Variants in MPP2 observed in about 807,000 individuals in gnomAD.
MPP2 encodes the protein MAGUK p55 scaffold protein 2.
In MPP2, 42 loss-of-function variants were observed where a neutral mutation model predicts 58.5. That is an observed-to-expected ratio of 0.72 (90% CI 0.56 to 0.93). The LOEUF (loss-of-function observed/expected upper bound fraction) is 0.93. MPP2 is among the 40% of genes least tolerant of loss of function. MPP2 has a pLI of 0.00. For missense variants in MPP2, 632 were observed against 760.4 expected (o/e 0.83, Z 1.99); for synonymous variants, 300 against 307.8 (o/e 0.97, Z 0.26).
chr17:43,906,126 GA>G (rs1219863183), intron 1 of MPP2: 2 of 984,912 alleles, frequency 2.0e-6, no homozygotes, highest in Non-Finnish European at 2.4e-6. Flanking sequence ...CAGGGTCAGA[GA>G]AGGGACTCCA....
chr17:43,880,027 G>C lies in MPP2; in HGVS notation c.1151-43C>G. 1.3e-6 allele frequency: 2 copies of C among 1,595,052 alleles called. No homozygotes were observed. The highest frequency in any genetic ancestry group is 1.7e-6 in the Non-Finnish European group (2 of 1,163,620). ...GGTTGGACCAAATGGGCAGGGGCAGGTTACAGTGCCTCAGACACATATATG... is the reference window on the plus strand; with the variant it reads ...GGTTGGACCAAATGGGCAGGGGCAGCTTACAGTGCCTCAGACACATATATG... On this transcript the variant is annotated intron_variant, in intron 10 of 12. Transcript: ENST00000269095. The surrounding 1 kb of genome is among the most constrained non-coding windows in gnomAD (Gnocchi z 5.2).
chr17:43,892,987 GAT>G (rs1307027096), intron 3 of MPP2, among the ~76,000 whole-genome samples: 1 of 106 alleles, frequency 9.4e-3, no homozygotes, highest in African/African-American at 0.045. Flanking sequence ...GTATTTGATG[GAT>G]GGATGGATGG....
intron 2 of MPP2, among the ~76,000 whole-genome samples, chr17:43,902,972 T>G (rs1295685008): frequency 6.6e-6 from 1 of 152,220 alleles, no homozygotes; most frequent in Non-Finnish European, 1.5e-5. Flanking sequence ...CACCAGATTC[T>G]AAGTGACTCA....
At chr17:43,899,484 C>T (rs549140246) in intron 2 of MPP2, among the ~76,000 whole-genome samples, 65 of 152,314 alleles carry the variant, frequency 4.3e-4, no homozygotes, top group African/African-American at 1.5e-3. Context: ...AAGTCACTGT[C>T]CCTCACTGGC....
intron 6 of MPP2, among the ~76,000 whole-genome samples, chr17:43,881,999 G>T (rs548720336): frequency 1.3e-5 from 2 of 152,324 alleles, no homozygotes; most frequent in Admixed American, 1.3e-4. Flanking sequence ...CCCTGCGCAC[G>T]CGCACAAACG....
intron 2 of MPP2, 90 bp from the exon 3 acceptor site, chr17:43,898,470 C>G (rs954146250): frequency 3.8e-6 from 2 of 520,506 alleles, no homozygotes; most frequent in Non-Finnish European, 6.1e-6. Flanking sequence ...TTCCCCACCC[C>G]CATGTCCCAC....
At chr17:43,882,117 G>A (rs970082516) in intron 6 of MPP2, among the ~76,000 whole-genome samples, 167 bp downstream of exon 6, 1 of 152,220 alleles carries the variant, frequency 6.6e-6, no homozygotes, top group Non-Finnish European at 1.5e-5. Context: ...GTGCAGCAGC[G>A]GCAGAGGCCT....
chr17:43,909,007 C>T (rs932351614), upstream of MPP2, among the ~76,000 whole-genome samples: 1 of 152,194 alleles, frequency 6.6e-6, no homozygotes, highest in African/African-American at 2.4e-5. Context: ...TCTTGGAGCG[C>T]ATTGCTTGCA....
chr17:43,901,466 C>A lies in MPP2; in HGVS notation c.31+2964G>T, dbSNP rs1225479107. The A allele has an allele frequency of 5.1e-6, 5 of 985,382 alleles. No individual in the cohort carries two copies. In the East Asian group the frequency reaches 3.4e-4, roughly 67 times the overall value. The allele number at this position is 985,382 out of a possible 1,614,324, so 61.0% of individuals were successfully genotyped here. On this transcript the variant is annotated intron_variant, in intron 2 of 12. Transcript: ENST00000269095. ...CAGAAGGGAAGGACTCAGCTCCGCT[C>A]CGGTGACCCCATTCCTCTGAGATCT...
At position 43,879,268 on chromosome 17, in the gene MPP2, C is replaced by T. The variant is rs1438945476; in HGVS notation, c.1482+7G>A. ...CAGACCCCTCCCCCACACCTCAGAG[C>T]CCTCACCGTGAGCTGCTTGGTGGAT... On this transcript the variant is annotated splice_region_variant and intron_variant, in intron 12 of 12. Transcript: ENST00000269095. This position sits in a 1 kb window ranked among gnomAD's most constrained non-coding sequence, Gnocchi z 4.1. 6.2e-7 allele frequency: 1 copy of T among 1,607,086 alleles called. No individual in the cohort carries two copies. The highest frequency in any genetic ancestry group is 8.5e-7 in the Non-Finnish European group (1 of 1,174,386).
chr17:43,907,428 G>A, intron 1 of MPP2, 46 bp downstream of exon 1: 2 of 985,632 alleles, frequency 2.0e-6, no homozygotes, highest in Non-Finnish European at 2.4e-6. Context: ...AAAAGAAGGC[G>A]GAGGTCTTGG....
intron 2 of MPP2, among the ~76,000 whole-genome samples, chr17:43,902,192 C>T (rs1253595181): frequency 2.6e-5 from 4 of 152,128 alleles, no homozygotes; most frequent in South Asian, 2.1e-4. Flanking sequence ...AGCAGCCCCT[C>T]GAACAACATG....
chr17:43,883,255 T>C lies in MPP2; in HGVS notation c.251A>G (p.Gln84Arg). The C allele has an allele frequency of 6.2e-7, 1 of 1,611,408 alleles. No homozygotes were observed. Among genetic ancestry groups the C allele is most frequent in the Non-Finnish European group, 8.5e-7 (1 of 1,179,078 alleles). Residue 84 changes from glutamine to arginine, a missense_variant, in exon 4 of 13, where the codon CAG (glutamine) becomes CGG (arginine). Gln to Arg is a conservative substitution (Grantham distance 43, BLOSUM62 1). Coordinates refer to ENST00000269095, the MANE Select transcript of MPP2 (RefSeq NM_005374.5). ...GGCCAGCTCGGCGGCTGTGCTGCTC[T>C]GCTCAGCCAGCTGCGCCAGGTCCCG... ...ILRDLAQLAE[Q>R]SSTAAELAHI...
chr17:43,900,352 C>A, intron 2 of MPP2: 1 of 1,191,108 alleles, frequency 8.4e-7, no homozygotes, highest in Admixed American at 2.5e-5. Context: ...GACAGCTCTC[C>A]TGAAGGTGCC....
chr17:43,906,275 T>A, intron 1 of MPP2: 2 of 338,396 alleles, frequency 5.9e-6, no homozygotes, highest in Non-Finnish European at 8.3e-6. Flanking sequence ...CGGCTGGCTT[T>A]GCTCCCCCAC....
At position 43,882,976 on chromosome 17, in the gene MPP2, G is replaced by T; in HGVS notation, c.380C>A (p.Thr127Lys). The stretch of plus-strand genomic sequence containing the variant: ...GGGAGGTACAGGCTGGTTGCTGAAT[G>T]TAGGGTCCAGGCCAGGGCTGGGGGG... ...TPPPSPGLDP[T>K]FSNQPVPPDA... Residue 127 changes from threonine (T) to lysine (K), a missense_variant, in exon 5 of 13, where the codon ACA becomes AAA. Transcript: ENST00000269095. 6.2e-7 allele frequency: 1 copy of T among 1,614,108 alleles called. No homozygotes were observed. The highest frequency in any genetic ancestry group is 8.5e-7 in the Non-Finnish European group (1 of 1,180,026).
chr17:43,903,458 T>C (rs1324337445), intron 2 of MPP2, among the ~76,000 whole-genome samples: 1 of 151,636 alleles, frequency 6.6e-6, no homozygotes, highest in Non-Finnish European at 1.5e-5. Flanking sequence ...GTTTGGGAGG[T>C]CGAGGCGGGT....
intron 6 of MPP2, 62 bp from the exon 7 acceptor site, chr17:43,881,651 C>A: frequency 6.4e-7 from 1 of 1,572,472 alleles, no homozygotes; most frequent in South Asian, 1.2e-5. Flanking sequence ...AGGTGGAGGT[C>A]TACCCCATGC....
chr17:43,888,410 T>G (rs2047459232), intron 3 of MPP2, among the ~76,000 whole-genome samples: 1 of 152,236 alleles, frequency 6.6e-6, no homozygotes, highest in Non-Finnish European at 1.5e-5. Flanking sequence ...GTCATTTAGC[T>G]TGGCCCAGCC....
Sources: allele counts gnomAD v4.1 joint callset (sites outside exome capture counted in the v4.1 genomes callset), GRCh38; gene constraint gnomAD v4.1.1; non-coding constraint Gnocchi (gnomAD v3.1); transcripts MANE v1.5; gene names NCBI Gene and HGNC (gene_info 2026-07-23, HGNC 2026-07-21).